KAT6B: variants seen among roughly 807,000 people sequenced by gnomAD.
KAT6B encodes the protein histone acetyltransferase KAT6B.
KAT6B carries 10 observed loss-of-function variants against 187.5 expected under a neutral mutation model. The observed-to-expected ratio is 0.05, with a 90% confidence interval of 0.03 to 0.09. The LOEUF is 0.09. Ranked by LOEUF, KAT6B falls within the 10% of genes least tolerant of loss-of-function variation. The pLI is 1.00. For synonymous variants in KAT6B, 861 were observed against 926.8 expected (o/e 0.93, Z 1.29); for missense variants, 1,952 against 2,558.9 (o/e 0.76, Z 5.12).
At chr10:74,932,741 T>C (rs1274645495) in intron 3 of KAT6B, among the ~76,000 whole-genome samples, 2 of 152,140 alleles carry the variant, frequency 1.3e-5, no homozygotes, top group African/African-American at 4.8e-5. Flanking sequence ...TGAATGAGGA[T>C]GGTATATTTA....
Position 74,985,146 on chromosome 10 carries a change from C to T in KAT6B, c.2440C>T (p.His814Tyr), listed in dbSNP as rs184293225. 1 of 1,614,058 alleles carries T rather than the reference C, an allele frequency of 6.2e-7. No individual in the cohort carries two copies. The highest frequency in any genetic ancestry group is 8.5e-7 in the Non-Finnish European group (1 of 1,179,990). Residue 814 changes from histidine (H) to tyrosine (Y), a missense_variant, in exon 12 of 18, where the codon CAC (histidine) becomes TAC (tyrosine). Transcript: ENST00000287239. ...CTTGTTAGCCAAGCTCTTCCTGGAC[C>T]ACAAAACGTTGTATTATGATGTCGA... is the stretch of plus-strand genomic sequence containing the variant. Reference protein sequence around the residue: ...LCLLAKLFLDHKTLYYDVEPF... With the variant: ...LCLLAKLFLDYKTLYYDVEPF...
At chr10:74,996,261 A>G (rs1843425373) in intron 13 of KAT6B, among the ~76,000 whole-genome samples, 1 of 152,226 alleles carries the variant, frequency 6.6e-6, no homozygotes, top group African/African-American at 2.4e-5. Context: ...TGTCAAGTTC[A>G]CTGACAAATC....
At chr10:74,860,294 G>A (rs1843088988) in intron 3 of KAT6B, among the ~76,000 whole-genome samples, 2 of 152,080 alleles carry the variant, frequency 1.3e-5, no homozygotes. Flanking sequence ...GTGTATTTGT[G>A]CCTTGTGAAA....
At chr10:74,828,013 A>G (rs1840398163) in intron 1 of KAT6B, among the ~76,000 whole-genome samples, 2 of 152,150 alleles carry the variant, frequency 1.3e-5, no homozygotes, top group African/African-American at 2.4e-5. Flanking sequence ...AGTGTCCGGC[A>G]GCAGGGTATC....
intron 13 of KAT6B, among the ~76,000 whole-genome samples, chr10:75,002,855 G>C (rs1843946793): frequency 6.6e-6 from 1 of 152,216 alleles, no homozygotes; most frequent in Non-Finnish European, 1.5e-5. Flanking sequence ...TAAGCTTCAT[G>C]AGAGTGTGGA....
chr10:74,908,316 A>C (rs1259501814), intron 3 of KAT6B, among the ~76,000 whole-genome samples: 1 of 152,126 alleles, frequency 6.6e-6, no homozygotes, highest in Non-Finnish European at 1.5e-5. Flanking sequence ...TAATCGCGGC[A>C]CTTTGGGAGG....
intron 3 of KAT6B, among the ~76,000 whole-genome samples, chr10:74,923,919 A>G (rs539381859): frequency 5.6e-4 from 86 of 152,348 alleles, no homozygotes; most frequent in Non-Finnish European, 1.1e-3. Context: ...GGGTATTGCC[A>G]CAAAACAAGC....
intron 17 of KAT6B, 54 bp downstream of exon 17, chr10:75,025,303 G>C: frequency 6.3e-7 from 1 of 1,591,716 alleles, no homozygotes; most frequent in Non-Finnish European, 8.6e-7. Flanking sequence ...TATCTGACTG[G>C]GTGCCAAAGA....
chr10:74,893,485 T>A (rs779020211), intron 3 of KAT6B, among the ~76,000 whole-genome samples: 1 of 152,114 alleles, frequency 6.6e-6, no homozygotes, highest in South Asian at 2.1e-4. Context: ...TGTTTTTTTT[T>A]AAAGACAGAG....
intron 5 of KAT6B, 40 bp downstream of exon 5, chr10:74,969,815 T>C (rs1277082795): frequency 2.2e-6 from 3 of 1,384,800 alleles, no homozygotes; most frequent in South Asian, 2.3e-5. Context: ...GGTAACTCGC[T>C]AATTTCCAGT....
intron 13 of KAT6B, among the ~76,000 whole-genome samples, chr10:75,009,077 T>C (rs1329574262): frequency 6.6e-6 from 1 of 152,254 alleles, no homozygotes; most frequent in African/African-American, 2.4e-5. Flanking sequence ...CACACACTTC[T>C]ACCTAGTTGT....
chr10:74,884,610 C>T (rs1845098192), intron 3 of KAT6B, among the ~76,000 whole-genome samples: 1 of 151,984 alleles, frequency 6.6e-6, no homozygotes, highest in South Asian at 2.1e-4. Context: ...ACTCTGTTGC[C>T]CAGGCTGGAG....
chr10:74,838,319 A>G (rs1841470930), intron 1 of KAT6B, among the ~76,000 whole-genome samples: 2 of 152,170 alleles, frequency 1.3e-5, no homozygotes. Flanking sequence ...TTTCTGATAA[A>G]TGTTATATCT....
Position 74,931,118 on chromosome 10 carries a change from A to G in KAT6B, c.622-28852A>G, listed in dbSNP as rs186991687. Among the ~76,000 whole-genome samples, 165 of 152,310 alleles carry G rather than the reference A, an allele frequency of 1.1e-3. 1 individual carries two copies. The highest frequency in any genetic ancestry group is 3.9e-3 in the African/African-American group (162 of 41,572). On this transcript the variant is annotated intron_variant, in intron 3 of 17. Coordinates refer to ENST00000287239, the MANE Select transcript of KAT6B (RefSeq NM_012330.4). ...TGCCCTAGACAATAGCTTATTTGCCACTAGTGTTGAGGATTTTGTGGGGAA... is the reference window on the plus strand; with the variant it reads ...TGCCCTAGACAATAGCTTATTTGCCGCTAGTGTTGAGGATTTTGTGGGGAA...
chr10:75,016,686 CTT>C (rs1844992154), intron 13 of KAT6B, among the ~76,000 whole-genome samples: 1 of 152,194 alleles, frequency 6.6e-6, no homozygotes, highest in Non-Finnish European at 1.5e-5. Flanking sequence ...CCAAACATCA[CTT>C]TGTTTTCCAT....
At chr10:74,825,245 C>G (rs1470227182), upstream of KAT6B, among the ~76,000 whole-genome samples, 1 of 152,100 alleles carries the variant, frequency 6.6e-6, no homozygotes, top group Non-Finnish European at 1.5e-5. The surrounding 1 kb of genome is among the most constrained non-coding windows in gnomAD (Gnocchi z 5.0). Context: ...TCAGTCCCAG[C>G]CCTGGCGGGC....
chr10:74,999,403 A>G (rs539973915), intron 13 of KAT6B, among the ~76,000 whole-genome samples: 1 of 152,276 alleles, frequency 6.6e-6, no homozygotes, highest in South Asian at 2.1e-4. Flanking sequence ...GGTAGCTGAA[A>G]CCATGGATGT....
chr10:74,950,672 T>A (rs930500663), intron 3 of KAT6B, among the ~76,000 whole-genome samples: 5 of 152,130 alleles, frequency 3.3e-5, no homozygotes, highest in Non-Finnish European at 7.4e-5. Flanking sequence ...AAGTGTCAAA[T>A]AGAGTTCTGA....
chr10:74,927,564 G>A (rs1296963176), intron 3 of KAT6B, among the ~76,000 whole-genome samples: 4 of 150,422 alleles, frequency 2.7e-5, no homozygotes, highest in African/African-American at 4.9e-5. Context: ...TCAGCAAGTA[G>A]TGAAGGGCTA....
Sources: gnomAD v4.1 joint callset for allele counts (sites outside exome capture counted in the v4.1 genomes callset) on GRCh38, gnomAD v4.1.1 for gene constraint, Gnocchi (gnomAD v3.1) non-coding constraint, MANE v1.5 for transcripts, NCBI Gene and HGNC (gene_info 2026-07-23, HGNC 2026-07-21) for gene names.